Variants in CHD6 observed in about 807,000 individuals in gnomAD.
The protein encoded by CHD6 is ATP-dependent chromatin remodeler CHD6.
Under a neutral mutation model 276.9 loss-of-function variants are expected in CHD6, and 50 were observed. The ratio of observed to expected loss-of-function variants is 0.18; its 90% CI spans 0.14 to 0.23. The LOEUF is 0.23. Among genes scored for constraint, CHD6 ranks in the 10% least tolerant of loss-of-function variants. CHD6 has a pLI of 1.00. For missense variants in CHD6, 2,564 were observed against 3,365.8 expected, an observed-to-expected ratio of 0.76 and a Z score of 5.89; for synonymous variants, 1,173 against 1,229.3, an observed-to-expected ratio of 0.95 and a Z score of 0.96.
At chr20:41,533,916 T>G (rs1380448833) in intron 2 of CHD6, among the ~76,000 whole-genome samples, 1 of 152,150 alleles carries the variant, frequency 6.6e-6, no homozygotes, top group Non-Finnish European at 1.5e-5. Context: ...CCAAACTACC[T>G]GTATAGGAGG....
At chr20:41,524,488 T>A (rs890443369) in intron 3 of CHD6, among the ~76,000 whole-genome samples, 1 of 151,762 alleles carries the variant, frequency 6.6e-6, no homozygotes, top group African/African-American at 2.4e-5. Context: ...AAAAGCAGAG[T>A]TTTACCAAGT....
In CHD6 at chr20:41,489,762, C is replaced by T. The variant is rs371682339; in HGVS notation, c.1680+16G>A. ...CTTAGGCAGTCCCTGGGTCTCTGAT[C>T]TCACGTGAGGCTCACCTGGGCGTCT... On this transcript the variant is annotated intron_variant, in intron 12 of 36. Transcript: ENST00000373233. The T allele has an allele frequency of 6.2e-7, 1 of 1,613,652 alleles. No individual in the cohort carries two copies. The highest frequency in any genetic ancestry group is 8.5e-7 in the Non-Finnish European group (1 of 1,179,780).
At chr20:41,435,146 A>T (rs78184091) in intron 27 of CHD6, among the ~76,000 whole-genome samples, 3,458 of 151,800 alleles carry the variant, frequency 0.023, 48 homozygotes, top group South Asian at 0.043. Context: ...AAGGGAAATT[A>T]AAAAAAAATA....
At chr20:41,506,140 C>T (rs1311725897) in intron 5 of CHD6, among the ~76,000 whole-genome samples, 1 of 152,090 alleles carries the variant, frequency 6.6e-6, no homozygotes, top group Non-Finnish European at 1.5e-5. Context: ...TCATTTCTCA[C>T]CCAGATTATT....
chr20:41,487,028 C>G (rs1028752749), intron 14 of CHD6, among the ~76,000 whole-genome samples: 2 of 152,140 alleles, frequency 1.3e-5, no homozygotes, highest in South Asian at 4.1e-4. Context: ...TCTTATGGCA[C>G]GTACATTTGT....
chr20:41,608,177 T>C (rs890802961), intron 1 of CHD6, among the ~76,000 whole-genome samples: 1 of 152,196 alleles, frequency 6.6e-6, no homozygotes, highest in Non-Finnish European at 1.5e-5. Flanking sequence ...CTTATGCACA[T>C]TATTTAAAAT....
chr20:41,407,326 C>T (rs1483050774), intron 36 of CHD6, among the ~76,000 whole-genome samples: 1 of 152,146 alleles, frequency 6.6e-6, no homozygotes, highest in Admixed American at 6.5e-5. Context: ...CTGGCTGTTG[C>T]TCTCACTGGG....
chr20:41,484,337 G>C lies in CHD6; in HGVS notation c.2257+15C>G, dbSNP rs1896178179. On this transcript the variant is annotated intron_variant, in intron 15 of 36. Transcript: ENST00000373233. The stretch of plus-strand genomic sequence containing the variant: ...CATGGCAGTCCTGAGTTACTTCCTA[G>C]TGCCCCTGACTCACCATTGATCAGG... 6.2e-7 allele frequency: 1 copy of C among 1,613,090 alleles called. No individual in the cohort carries two copies. Among genetic ancestry groups the C allele is most frequent in the African/African-American group, 1.3e-5 (1 of 74,854 alleles).
chr20:41,501,795 T>C (rs567591404), intron 5 of CHD6, among the ~76,000 whole-genome samples: 1 of 152,318 alleles, frequency 6.6e-6, no homozygotes, highest in Non-Finnish European at 1.5e-5. Context: ...CAGCAAGGTA[T>C]GGGAGTTCTG....
rs954195879 is a variant in CHD6 at position 41,481,120 on chromosome 20, A to AATATAT, written c.2468+2183_2468+2188dup. On this transcript the variant is annotated intron_variant, in intron 16 of 36. Coordinates refer to ENST00000373233, the MANE Select transcript of CHD6 (RefSeq NM_032221.5). Reference sequence around the variant, plus strand: ...ACATTGTCTCAGAAAAAGAAAAAAAAATATATATATATATACACTTCAGAA... The same window carrying AATATAT: ...ACATTGTCTCAGAAAAAGAAAAAAAAATATATATATATATATATATACACTTCAGAA... 4.6e-4 allele frequency among the ~76,000 whole-genome samples: 69 copies of AATATAT among 150,212 alleles called. 1 individual carries two copies. The Middle Eastern group carries it at 0.017, about 37-fold the overall frequency.
intron 23 of CHD6, among the ~76,000 whole-genome samples, chr20:41,449,604 C>T (rs567749232): frequency 6.6e-6 from 1 of 152,236 alleles, no homozygotes; most frequent in African/African-American, 2.4e-5. Context: ...GGACACACAA[C>T]TGCAGCAGGT....
At chr20:41,592,297 A>G (rs1431887693) in intron 1 of CHD6, among the ~76,000 whole-genome samples, 1 of 152,224 alleles carries the variant, frequency 6.6e-6, no homozygotes, top group East Asian at 1.9e-4. Flanking sequence ...ACACACAAGA[A>G]AAGTGGGTAA....
chr20:41,463,048 C>T (rs769767484), intron 17 of CHD6, among the ~76,000 whole-genome samples: 14 of 152,072 alleles, frequency 9.2e-5, no homozygotes, highest in Non-Finnish European at 1.6e-4. Context: ...ACTCAAAGAA[C>T]GAGGGAGACA....
rs368456289 is a variant in CHD6, at chr20:41,592,487, A to T, written c.-24+25853T>A. On this transcript the variant is annotated intron_variant, in intron 1 of 36. Transcript: ENST00000373233. ...AATCTAGATATACTTTTGAACTATGATCCATTTCAAACAATTAATTTACTC... is the reference window on the plus strand; with the variant it reads ...AATCTAGATATACTTTTGAACTATGTTCCATTTCAAACAATTAATTTACTC... 6.6e-5 allele frequency among the ~76,000 whole-genome samples: 10 copies of T among 152,364 alleles called. No homozygotes were observed. The South Asian group carries it at 1.2e-3, about 19-fold the overall frequency.
At chr20:41,500,355 GGA>G (rs2043801459) in intron 5 of CHD6, among the ~76,000 whole-genome samples, 1 of 152,032 alleles carries the variant, frequency 6.6e-6, no homozygotes, top group Admixed American at 6.6e-5. Flanking sequence ...GCTTTTCCCA[GGA>G]AAGTGATGAT....
chr20:41,412,121 A>C, intron 36 of CHD6, 23 bp downstream of exon 36: 1 of 1,612,686 alleles, frequency 6.2e-7, no homozygotes, highest in East Asian at 2.2e-5. Context: ...CTGGCCCCAC[A>C]CTCACGTGGC....
Position 41,473,642 on chromosome 20 carries a change from A to G in CHD6, c.2469-125T>C, listed in dbSNP as rs2043107420. 5.6e-5 allele frequency: 41 copies of G among 736,524 alleles called. No homozygotes were observed. The South Asian group carries it at 7.2e-4, about 13-fold the overall frequency. The allele number at this position is 736,524 out of a possible 1,614,324, so 45.6% of individuals were successfully genotyped here. A position where few individuals can be genotyped will look rare whatever the true frequency, so the allele number is the denominator to read the frequency against. Reference sequence around the variant, plus strand: ...CTCACTTCTAAATTTGGACCAAATGACAGCAGTCTAGAAGGAATCCTGCCC... The same window carrying G: ...CTCACTTCTAAATTTGGACCAAATGGCAGCAGTCTAGAAGGAATCCTGCCC... On this transcript the variant is annotated intron_variant, in intron 16 of 36. Coordinates refer to ENST00000373233, the MANE Select transcript of CHD6 (RefSeq NM_032221.5). The surrounding 1 kb of genome is among the most constrained non-coding windows in gnomAD (Gnocchi z 4.1).
intron 11 of CHD6, among the ~76,000 whole-genome samples, chr20:41,490,753 C>T (rs1396074783): frequency 6.6e-6 from 1 of 151,970 alleles, no homozygotes; most frequent in Non-Finnish European, 1.5e-5. Context: ...GCGGAGGTTG[C>T]AGAGAGCTGA....
At chr20:41,509,162 C>T (rs1448494064) in intron 5 of CHD6, among the ~76,000 whole-genome samples, 1 of 152,092 alleles carries the variant, frequency 6.6e-6, no homozygotes, top group Non-Finnish European at 1.5e-5. Flanking sequence ...TCAGGACCAT[C>T]ACAGGCTATG....
Sources: allele counts gnomAD v4.1 joint callset (sites outside exome capture counted in the v4.1 genomes callset), GRCh38; gene constraint gnomAD v4.1.1; non-coding constraint Gnocchi (gnomAD v3.1); transcripts MANE v1.5; gene names NCBI Gene and HGNC (gene_info 2026-07-23, HGNC 2026-07-21).